The following EPM2A variants were observed in gnomAD, a reference collection of about 807,000 sequenced individuals.
The protein encoded by EPM2A is EPM2A glucan phosphatase, laforin.
In EPM2A, 21 loss-of-function variants were observed where a neutral mutation model predicts 26.5. That is an observed-to-expected ratio of 0.79 (90% CI 0.56 to 1.14). The LOEUF is 1.14. Ranked by LOEUF, EPM2A falls within the 50% of genes most tolerant of loss-of-function variation. The pLI, the probability that EPM2A is intolerant of heterozygous loss-of-function variation, is 0.00. For missense variants in EPM2A, 458 were observed against 440.8 expected, an observed-to-expected ratio of 1.04 and a Z score of -0.35; for synonymous variants, 217 against 177.6, an observed-to-expected ratio of 1.22 and a Z score of -1.76.
At chr6:145,563,447 G>A (rs1780837305) in intron 2 of EPM2A, among the ~76,000 whole-genome samples, 1 of 151,808 alleles carries the variant, frequency 6.6e-6, no homozygotes, top group South Asian at 2.1e-4. Flanking sequence ...TGGGAATCTG[G>A]CAAGCAGAGG....
intron 4 of EPM2A, among the ~76,000 whole-genome samples, chr6:145,414,766 T>G (rs535907530): frequency 9.1e-4 from 139 of 152,262 alleles, no homozygotes; most frequent in Middle Eastern, 3.4e-3. Flanking sequence ...CAACCCTGAA[T>G]CCATTCTGTA....
chr6:145,528,288 A>G (rs1257296694), intron 2 of EPM2A, among the ~76,000 whole-genome samples: 1 of 152,174 alleles, frequency 6.6e-6, no homozygotes, highest in Non-Finnish European at 1.5e-5. Context: ...CAGATTTTCA[A>G]TGTAGAGGAA....
At chr6:145,692,734 G>T (rs1219425874) in intron 1 of EPM2A, among the ~76,000 whole-genome samples, 1 of 151,874 alleles carries the variant, frequency 6.6e-6, no homozygotes, top group African/African-American at 2.4e-5. Flanking sequence ...TAGGTGTCTG[G>T]CATTATTTCT....
At chr6:145,571,682 G>A (rs1396682850) in intron 2 of EPM2A, among the ~76,000 whole-genome samples, 1 of 152,132 alleles carries the variant, frequency 6.6e-6, no homozygotes, top group Non-Finnish European at 1.5e-5. Context: ...CTGGCAAATC[G>A]GGCACTCAGC....
At chr6:145,645,678 G>A (rs1562437198) in intron 2 of EPM2A, among the ~76,000 whole-genome samples, 1 of 151,846 alleles carries the variant, frequency 6.6e-6, no homozygotes, top group Non-Finnish European at 1.5e-5. Flanking sequence ...TCAGCTCAGT[G>A]CAACCTCTGT....
intron 2 of EPM2A, among the ~76,000 whole-genome samples, chr6:145,591,200 A>T (rs1224238679): frequency 2.0e-5 from 3 of 152,260 alleles, no homozygotes; most frequent in Middle Eastern, 3.4e-3. Context: ...GATGTCAAGA[A>T]CTATAGCAAA....
At chr6:145,695,912 A>G (rs1200717125) in intron 1 of EPM2A, among the ~76,000 whole-genome samples, 1 of 152,092 alleles carries the variant, frequency 6.6e-6, no homozygotes. Flanking sequence ...ATAAGGAAAC[A>G]TTGGACTTTA....
At chr6:145,656,323 A>G (rs1778279562) in intron 2 of EPM2A, among the ~76,000 whole-genome samples, 1 of 152,230 alleles carries the variant, frequency 6.6e-6, no homozygotes, top group East Asian at 1.9e-4. Flanking sequence ...CTCAGGCCAG[A>G]TGGGAGCCCA....
intron 2 of EPM2A, among the ~76,000 whole-genome samples, chr6:145,518,497 G>A (rs915262349): frequency 1.3e-5 from 2 of 149,172 alleles, no homozygotes; most frequent in African/African-American, 5.0e-5. Flanking sequence ...ATTACTTTCA[G>A]CTCTTGCTTT....
intron 2 of EPM2A, among the ~76,000 whole-genome samples, chr6:145,523,891 A>C (rs1780236073): frequency 6.6e-6 from 1 of 151,076 alleles, no homozygotes; most frequent in Non-Finnish European, 1.5e-5. Context: ...CCAGGTAGTG[A>C]GCATAACACC....
rs144358900 is a variant in EPM2A, at chr6:145,521,448, G to C, written c.341-18873C>G. Among the ~76,000 whole-genome samples the C allele has an allele frequency of 1.2e-4, 18 of 152,346 alleles. No homozygotes were observed. In the East Asian group the frequency reaches 3.5e-3, roughly 29 times the overall value. ...TGTCAAAAATATAAAAATGTGACCA[G>C]TTGCCATGGTAGTGTATTCTTTTCT... is the stretch of plus-strand genomic sequence containing the variant. On this transcript the variant is annotated intron_variant, in intron 2 of 3. Coordinates refer to the EPM2A transcript ENST00000450221.
intron 2 of EPM2A, among the ~76,000 whole-genome samples, chr6:145,549,793 T>A (rs1304247683): frequency 1.3e-5 from 2 of 152,072 alleles, no homozygotes; most frequent in Non-Finnish European, 2.9e-5. Flanking sequence ...CAAGAGAGTG[T>A]GTATGTGGCA....
intron 4 of EPM2A, among the ~76,000 whole-genome samples, chr6:145,444,016 G>A (rs565984267): frequency 6.6e-6 from 1 of 152,278 alleles, no homozygotes; most frequent in Admixed American, 6.5e-5. Context: ...CCCAGTTTTG[G>A]ATATGCCTTT....
intron 2 of EPM2A, chr6:145,637,541 G>A (rs1015386908): frequency 6.6e-6 from 1 of 151,714 alleles, no homozygotes; most frequent in African/African-American, 2.4e-5. Context: ...AATCCTTATT[G>A]AGGATTATTA....
At chr6:145,396,487 G>A (rs935830107) in intron 4 of EPM2A, among the ~76,000 whole-genome samples, 1 of 152,184 alleles carries the variant, frequency 6.6e-6, no homozygotes, top group African/African-American at 2.4e-5. Context: ...CCTTCATACA[G>A]AATCTGACCT....
At chr6:145,709,759 G>A (rs1782435527) in intron 1 of EPM2A, among the ~76,000 whole-genome samples, 1 of 152,144 alleles carries the variant, frequency 6.6e-6, no homozygotes, top group Non-Finnish European at 1.5e-5. Context: ...AGTAGTTCCT[G>A]TAGAAGTTCT....
At chr6:145,406,011 C>CA (rs1412179833) in intron 4 of EPM2A, among the ~76,000 whole-genome samples, 1 of 150,432 alleles carries the variant, frequency 6.6e-6, no homozygotes, top group East Asian at 1.9e-4. Context: ...CACACACACA[C>CA]ACAACAGACA....
At chr6:145,725,550 A>T (rs1776159631) in intron 1 of EPM2A, among the ~76,000 whole-genome samples, 1 of 152,178 alleles carries the variant, frequency 6.6e-6, no homozygotes, top group Non-Finnish European at 1.5e-5. Flanking sequence ...GCAAATAAAC[A>T]AAATGTGGAA....
chr6:145,674,863 A>G (rs1424783092), intron 2 of EPM2A, among the ~76,000 whole-genome samples: 1 of 152,208 alleles, frequency 6.6e-6, no homozygotes, highest in Non-Finnish European at 1.5e-5. Context: ...AACACTCTTC[A>G]GGATATTATC....
Sources: gnomAD v4.1 joint callset for allele counts (sites outside exome capture counted in the v4.1 genomes callset) on GRCh38, gnomAD v4.1.1 for gene constraint, MANE v1.5 for transcripts, NCBI Gene and HGNC (gene_info 2026-07-23, HGNC 2026-07-21) for gene names.